Variants in GRM5 observed in about 807,000 individuals in gnomAD.
The protein encoded by GRM5 is glutamate metabotropic receptor 5, also known as metabotropic glutamate receptor 5.
Under a neutral mutation model 83.1 loss-of-function variants are expected in GRM5, and 19 were observed. The ratio of observed to expected loss-of-function variants is 0.23; its 90% CI spans 0.16 to 0.34. The LOEUF (loss-of-function observed/expected upper bound fraction) is 0.34, where lower values mean the gene tolerates loss of function less well. GRM5 is among the 10% of genes least tolerant of loss of function. GRM5 has a pLI of 1.00. For missense variants in GRM5, 1,160 were observed against 1,588.3 expected, an observed-to-expected ratio of 0.73 and a Z score of 4.58; for synonymous variants, 675 against 633.6, an observed-to-expected ratio of 1.07 and a Z score of -0.98.
At chr11:88,700,811 G>C (rs1941015914) in intron 3 of GRM5, among the ~76,000 whole-genome samples, 1 of 152,096 alleles carries the variant, frequency 6.6e-6, no homozygotes, top group Non-Finnish European at 1.5e-5. Flanking sequence ...TACAGCAATG[G>C]GACAGGCTCT....
intron 5 of GRM5, among the ~76,000 whole-genome samples, chr11:88,600,001 A>T (rs1937932535): frequency 1.3e-5 from 2 of 152,300 alleles, no homozygotes; most frequent in Non-Finnish European, 2.9e-5. Flanking sequence ...TGACAGAGTG[A>T]GACTGTCTCA....
At chr11:88,547,289 C>T (rs771105303) in intron 8 of GRM5, among the ~76,000 whole-genome samples, 17 of 152,188 alleles carry the variant, frequency 1.1e-4, no homozygotes, top group Non-Finnish European at 2.2e-4. Flanking sequence ...GTGGAGCTAT[C>T]TAGTTGTCAT....
At chr11:88,909,878 T>C (rs1945466981) in intron 2 of GRM5, among the ~76,000 whole-genome samples, 2 of 152,152 alleles carry the variant, frequency 1.3e-5, no homozygotes, top group Non-Finnish European at 2.9e-5. Flanking sequence ...ACTTGTGTTT[T>C]TCCTCTAGAG....
chr11:88,855,737 A>G (rs553590394), intron 2 of GRM5, among the ~76,000 whole-genome samples: 140 of 152,070 alleles, frequency 9.2e-4, no homozygotes, highest in Non-Finnish European at 1.6e-3. Flanking sequence ...AAATTAAAAT[A>G]GATTTCTGTA....
chr11:88,550,962 G>A (rs1388476283), intron 8 of GRM5, among the ~76,000 whole-genome samples: 1 of 152,018 alleles, frequency 6.6e-6, no homozygotes, highest in Admixed American at 6.6e-5. Context: ...AACCTCACAT[G>A]TCTCAACTTC....
intron 4 of GRM5, among the ~76,000 whole-genome samples, chr11:88,632,179 G>A (rs1938992196): frequency 6.7e-6 from 1 of 149,946 alleles, no homozygotes; most frequent in Non-Finnish European, 1.5e-5. Flanking sequence ...CCACTGATTT[G>A]CTTTCTGTCA....
At chr11:88,988,095 G>C (rs1481544340) in intron 2 of GRM5, among the ~76,000 whole-genome samples, 2 of 148,828 alleles carry the variant, frequency 1.3e-5, no homozygotes, top group Non-Finnish European at 3.0e-5. Flanking sequence ...CAAAGGCAAA[G>C]AAGTTGAAAA....
intron 3 of GRM5, among the ~76,000 whole-genome samples, chr11:88,846,901 TA>T (rs1481063872): frequency 1.3e-5 from 2 of 152,110 alleles, no homozygotes; most frequent in East Asian, 1.9e-4. Flanking sequence ...TCTAAAATTT[TA>T]AAAAAATAAA....
chr11:88,689,408 G>GATGT (rs1237323307), intron 3 of GRM5, among the ~76,000 whole-genome samples: 1 of 152,144 alleles, frequency 6.6e-6, no homozygotes, highest in Non-Finnish European at 1.5e-5. Flanking sequence ...GAATAACTGA[G>GATGT]ATGTATAAGC....
chr11:88,740,184 C>A (rs988109167), intron 3 of GRM5, among the ~76,000 whole-genome samples: 2 of 152,046 alleles, frequency 1.3e-5, no homozygotes, highest in South Asian at 2.1e-4. Flanking sequence ...CTTCCACACA[C>A]TAATTTTAGC....
chr11:88,928,923 C>T (rs1479957890), intron 2 of GRM5, among the ~76,000 whole-genome samples: 15 of 151,408 alleles, frequency 9.9e-5, no homozygotes, highest in Non-Finnish European at 1.6e-4. Context: ...CACACACACA[C>T]ACACACACAC....
chr11:88,550,121 G>A (rs953022141), intron 8 of GRM5, among the ~76,000 whole-genome samples: 1 of 152,046 alleles, frequency 6.6e-6, no homozygotes. Flanking sequence ...AGAAATAGAA[G>A]AAGAAGAAGA....
chr11:88,647,998 G>A (rs1456509202), intron 4 of GRM5, among the ~76,000 whole-genome samples: 1 of 150,830 alleles, frequency 6.6e-6, no homozygotes, highest in East Asian at 2.0e-4. Flanking sequence ...AAAAAGTCAG[G>A]AAACAACAGG....
intron 2 of GRM5, among the ~76,000 whole-genome samples, chr11:88,902,927 G>A (rs1365525962): frequency 1.5e-5 from 2 of 133,858 alleles, no homozygotes; most frequent in Admixed American, 8.6e-5. Flanking sequence ...CTCCAGCCTG[G>A]GCGACAGACC....
At chr11:88,643,008 T>C (rs1452019534) in intron 4 of GRM5, among the ~76,000 whole-genome samples, 1 of 152,072 alleles carries the variant, frequency 6.6e-6, no homozygotes, top group Non-Finnish European at 1.5e-5. Flanking sequence ...TTTATAGCAA[T>C]GTCCCACTCC....
chr11:88,786,721 C>G (rs961105006), intron 3 of GRM5, among the ~76,000 whole-genome samples: 1 of 152,038 alleles, frequency 6.6e-6, no homozygotes, highest in Non-Finnish European at 1.5e-5. Context: ...CCCACAGACA[C>G]TTTTTTGATG....
intron 3 of GRM5, among the ~76,000 whole-genome samples, chr11:88,753,003 C>T (rs148431247): frequency 2.8e-3 from 424 of 152,068 alleles, no homozygotes; most frequent in African/African-American, 8.9e-3. Context: ...CTATAAAAAC[C>T]CTAGAAAAAC....
chr11:88,767,281 A>G (rs559739506), intron 3 of GRM5, among the ~76,000 whole-genome samples: 1 of 152,128 alleles, frequency 6.6e-6, no homozygotes, highest in Non-Finnish European at 1.5e-5. Context: ...TTCCTCAAAT[A>G]ACTAAAACAG....
chr11:88,864,288 G>A (rs546775000), intron 2 of GRM5, among the ~76,000 whole-genome samples: 1 of 151,708 alleles, frequency 6.6e-6, no homozygotes, highest in South Asian at 2.1e-4. Flanking sequence ...CAGGTAACAT[G>A]AATTAAACTG....
Sources: gnomAD v4.1 joint callset for allele counts (sites outside exome capture counted in the v4.1 genomes callset) on GRCh38, gnomAD v4.1.1 for gene constraint, MANE v1.5 for transcripts, NCBI Gene and HGNC (gene_info 2026-07-23, HGNC 2026-07-21) for gene names.